Variants in RRP7A observed in about 807,000 individuals in gnomAD.
RRP7A encodes the protein ribosomal RNA processing 7 homolog A.
RRP7A carries 27 observed loss-of-function variants against 38.4 expected under a neutral mutation model. The ratio of observed to expected loss-of-function variants is 0.70; its 90% confidence interval spans 0.52 to 0.97. The LOEUF (loss-of-function observed/expected upper bound fraction) is 0.97. Ranked by LOEUF, RRP7A falls within the 50% of genes least tolerant of loss-of-function variation. RRP7A has a pLI of 0.00. For missense variants in RRP7A, 327 were observed against 375.4 expected (o/e 0.87, Z 1.07); for synonymous variants, 124 against 150.3 (o/e 0.83, Z 1.28).
At chr22:42,517,366 A>AT in intron 2 of RRP7A, among the ~76,000 whole-genome samples, 1 of 146,058 alleles carries the variant, frequency 6.8e-6, no homozygotes, top group South Asian at 2.1e-4. Context: ...AAAAAAAAAA[A>AT]TTAACAGTTG....
At position 42,509,896 on chromosome 22, in the gene RRP7A, G is replaced by A. The variant is rs1302751563; in HGVS notation, c.*3014C>T. ...GCTCAGAGGTTTGCGATTTCTTTGG[G>A]GGTGATGAAAATGTAATTGTGACGA... On this transcript the variant is annotated 3_prime_UTR_variant, in exon 7 of 7. Coordinates refer to ENST00000323013, the MANE Select transcript of RRP7A (RefSeq NM_015703.5). 2 of 139,630 alleles carry A rather than the reference G, an allele frequency of 1.4e-5. No individual in the cohort carries two copies. The highest frequency in any genetic ancestry group is 5.7e-5 in the African/African-American group (2 of 35,328). 8.6% of individuals were successfully genotyped at this position (139,630 alleles called of 1,614,324 possible).
intron 2 of RRP7A, among the ~76,000 whole-genome samples, chr22:42,517,197 G>C (rs777805207): frequency 6.6e-6 from 1 of 152,078 alleles, no homozygotes; most frequent in South Asian, 2.1e-4. Flanking sequence ...AGAATCACTT[G>C]AACCCGGGAA....
In RRP7A at chr22:42,517,996, C is replaced by G; in HGVS notation, c.216+9G>C. The G allele has an allele frequency of 6.2e-7, 1 of 1,611,428 alleles. No homozygotes were observed. Among genetic ancestry groups the G allele is most frequent in the South Asian group, 1.1e-5 (1 of 90,636 alleles). On this transcript the variant is annotated intron_variant, in intron 2 of 6. Coordinates refer to ENST00000323013, the MANE Select transcript of RRP7A (RefSeq NM_015703.5). ...CCACAGGTCTCCTCCCAGACAGACA[C>G]TAGCTCACCTCTGTGCAGTATGGGG...
chr22:42,515,351 G>T, intron 3 of RRP7A, 83 bp from the exon 4 acceptor site: 1 of 735,130 alleles, frequency 1.4e-6, no homozygotes, highest in Non-Finnish European at 2.4e-6. Context: ...AGCCTAGGTG[G>T]TAGCTACACC....
intron 2 of RRP7A, among the ~76,000 whole-genome samples, chr22:42,517,342 T>TAAA (rs71184902): frequency 3.2e-3 from 375 of 117,490 alleles, no homozygotes; most frequent in Non-Finnish European, 4.5e-3. Flanking sequence ...TTAGTTTTTG[T>TAAA]AAAAAAAAAA....
At position 42,512,101 on chromosome 22, in the gene RRP7A, C is replaced by G; in HGVS notation, c.*809G>C. Reference sequence around the variant, plus strand: ...TCCTCTGGCCACATCTCACTACCCACCCCCTCCCCTCTCCAGCGGTTCCAG... The same window carrying G: ...TCCTCTGGCCACATCTCACTACCCAGCCCCTCCCCTCTCCAGCGGTTCCAG... On this transcript the variant is annotated 3_prime_UTR_variant, in exon 7 of 7. Transcript: ENST00000323013. 7.1e-7 allele frequency: 1 copy of G among 1,401,382 alleles called. No homozygotes were observed. Among genetic ancestry groups the G allele is most frequent in the Non-Finnish European group, 1.0e-6 (1 of 985,748 alleles). The allele number at this position is 1,401,382 out of a possible 1,614,324, so 86.8% of individuals were successfully genotyped here. A position where few individuals can be genotyped will look rare whatever the true frequency, so the allele number is the denominator to read the frequency against.
rs1357584309 is a variant in RRP7A at position 42,509,323 on chromosome 22, G to A, written c.*3587C>T. 4.7e-5 allele frequency among the ~76,000 whole-genome samples: 7 copies of A among 150,060 alleles called. No homozygotes were observed. Among genetic ancestry groups the A allele is most frequent in the Non-Finnish European group, 4.5e-5 (3 of 67,086 alleles). On this transcript the variant is annotated 3_prime_UTR_variant, in exon 7 of 7. Transcript: ENST00000323013. ...GGGCTCAGGCAGCAGGGGATGGGCC[G>A]GGGCTGTCCCATGCCTTTCCACAGG... is the stretch of plus-strand genomic sequence containing the variant.
Position 42,510,648 on chromosome 22 carries a change from T to G in RRP7A, c.*2262A>C, listed in dbSNP as rs1932428430. 9 of 1,352,636 alleles carry G rather than the reference T, an allele frequency of 6.7e-6. No individual in the cohort carries two copies. The highest frequency in any genetic ancestry group is 9.3e-6 in the Non-Finnish European group (9 of 972,504). 83.8% of individuals were successfully genotyped at this position (1,352,636 alleles called of 1,614,324 possible). A position where few individuals can be genotyped will look rare whatever the true frequency, so the allele number is the denominator to read the frequency against. The stretch of plus-strand genomic sequence containing the variant: ...CTTTCCAGAGCAGTCCACGGATATT[T>G]TGATCCAAGAGAGAATTACTCTGAC... On this transcript the variant is annotated 3_prime_UTR_variant, in exon 7 of 7. Transcript: ENST00000323013.
chr22:42,515,928 G>T, intron 3 of RRP7A, 83 bp downstream of exon 3: 1 of 1,475,682 alleles, frequency 6.8e-7, no homozygotes, highest in Non-Finnish European at 9.1e-7. Flanking sequence ...ATGCTCTGAT[G>T]TCCCACTGCC....
At chr22:42,513,088 G>C in intron 6 of RRP7A, 93 bp from the exon 7 acceptor site, 2 of 1,051,194 alleles carry the variant, frequency 1.9e-6, no homozygotes, top group Non-Finnish European at 2.9e-6. Flanking sequence ...AGTTACTGTG[G>C]GGGTGGGGCT....
rs1932366938 is a variant in RRP7A, at chr22:42,509,214, G to A, written c.*3696C>T. ...TGAGGCTCCAAGTTCTCTGCGTGTC[G>A]ACCACATCGCTAAGACTCAAGATCT... On this transcript the variant is annotated 3_prime_UTR_variant, in exon 7 of 7. Coordinates refer to ENST00000323013, the MANE Select transcript of RRP7A (RefSeq NM_015703.5). 14 of 1,560,704 alleles carry A rather than the reference G, an allele frequency of 9.0e-6. No homozygotes were observed. The highest frequency in any genetic ancestry group is 1.2e-5 in the South Asian group (1 of 86,504).
At position 42,508,891 on chromosome 22, in the gene RRP7A, G is replaced by A. The variant is rs1353201549; in HGVS notation, c.*4019C>T. On this transcript the variant is annotated 3_prime_UTR_variant, in exon 7 of 7. Transcript: ENST00000323013. ...GAGCCTTCGATGAGGCAGTGATGTGGGGTCCTGGGCTCAGACCCAGGGTGG... is the reference window on the plus strand; with the variant it reads ...GAGCCTTCGATGAGGCAGTGATGTGAGGTCCTGGGCTCAGACCCAGGGTGG... 1 of 1,092,054 alleles carries A rather than the reference G, an allele frequency of 9.2e-7. No homozygotes were observed. Among genetic ancestry groups the A allele is most frequent in the South Asian group, 1.4e-5 (1 of 71,478 alleles). The allele number at this position is 1,092,054 out of a possible 1,614,324, so 67.6% of individuals were successfully genotyped here.
At chr22:42,519,466 G>A (rs13056604) in intron 1 of RRP7A, among the ~76,000 whole-genome samples, 3 of 152,168 alleles carry the variant, frequency 2.0e-5, no homozygotes, top group Non-Finnish European at 4.4e-5. Flanking sequence ...AGTGTGGACA[G>A]AGGCGGGCTC....
Position 42,510,770 on chromosome 22 carries a change from T to G in RRP7A, c.*2140A>C. On this transcript the variant is annotated 3_prime_UTR_variant, in exon 7 of 7. Coordinates refer to ENST00000323013, the MANE Select transcript of RRP7A (RefSeq NM_015703.5). ...CTGGTGTCCAGCCACTGTCGCCCAC[T>G]CTGGTCCCACCTCACCCATCTCTTC... 6 of 1,447,542 alleles carry G rather than the reference T, an allele frequency of 4.1e-6. No homozygotes were observed. The highest frequency in any genetic ancestry group is 4.6e-6 in the Non-Finnish European group (5 of 1,087,230). The allele number at this position is 1,447,542 out of a possible 1,614,324, so 89.7% of individuals were successfully genotyped here.
Position 42,518,007 on chromosome 22 carries a change from C to T in RRP7A, c.214G>A (p.Glu72Lys), listed in dbSNP as rs770686875. The T allele has an allele frequency of 5.6e-6, 9 of 1,612,530 alleles. No individual in the cohort carries two copies. The East Asian group carries it at 1.8e-4, about 32-fold the overall frequency. The change falls in exon 2 of 7, where the codon GAG becomes AAG. Residue 72 changes from glutamate to lysine, a missense_variant and splice_region_variant. Physicochemically the swap from Glu to Lys is moderately conservative, Grantham distance 56. Coordinates refer to ENST00000323013, the MANE Select transcript of RRP7A (RefSeq NM_015703.5). ...FVLNVPPYCT[E>K]ESLSRLLSTC... ...CTCCCAGACAGACACTAGCTCACCT[C>T]TGTGCAGTATGGGGGCACATTGAGG... is the stretch of plus-strand genomic sequence containing the variant.
rs766445792 is a variant in RRP7A, at chr22:42,514,235, C to T, written c.628G>A (p.Gly210Ser). 376 of 1,603,608 alleles carry T rather than the reference C, an allele frequency of 2.3e-4. No homozygotes were observed. Among genetic ancestry groups the T allele is most frequent in the Non-Finnish European group, 2.8e-4 (325 of 1,174,288 alleles). Residue 210 changes from glycine to serine, a missense_variant, in exon 6 of 7, where the codon GGC (glycine) becomes AGC (serine). Coordinates refer to ENST00000323013, the MANE Select transcript of RRP7A (RefSeq NM_015703.5). ...GTCCGGGGGAGCACAGGCCGCCGGC[C>T]CCGGCGGGTCACCTTCACCCAGCCC... ...EEGWVKVTRR[G>S]RRPVLPRTEA...
In RRP7A at chr22:42,510,863, C is replaced by G; in HGVS notation, c.*2047G>C. The G allele has an allele frequency of 9.6e-7, 1 of 1,039,248 alleles. No homozygotes were observed. Among genetic ancestry groups the G allele is most frequent in the South Asian group, 2.9e-5 (1 of 34,430 alleles). 64.4% of individuals were successfully genotyped at this position (1,039,248 alleles called of 1,614,324 possible). A position where few individuals can be genotyped will look rare whatever the true frequency, so the allele number is the denominator to read the frequency against. ...AAGTGACCACCAGGATCTATCAGGC[C>G]TCATGCTCCAGTGATCAGTCCCTAG... is the stretch of plus-strand genomic sequence containing the variant. On this transcript the variant is annotated 3_prime_UTR_variant, in exon 7 of 7. Transcript: ENST00000323013.
intron 6 of RRP7A, among the ~76,000 whole-genome samples, chr22:42,513,694 CAG>C (rs1407945721): frequency 5.1e-5 from 5 of 98,024 alleles, no homozygotes; most frequent in East Asian, 1.4e-3. Flanking sequence ...GGCCACCTGA[CAG>C]ACACACACAC....
Position 42,514,307 on chromosome 22 carries a change from G to A in RRP7A, c.559-3C>T. The A allele has an allele frequency of 1.9e-6, 3 of 1,556,954 alleles. No homozygotes were observed. Among genetic ancestry groups the A allele is most frequent in the Non-Finnish European group, 2.6e-6 (3 of 1,141,130 alleles). ...TCCTCCTTGGCCTTAGCTTCTTCCT[G>A]CAAGGAAGGTGATCCCATCCTCCGG... On this transcript the variant is annotated splice_polypyrimidine_tract_variant and splice_region_variant and intron_variant, in intron 5 of 6. Coordinates refer to ENST00000323013, the MANE Select transcript of RRP7A (RefSeq NM_015703.5).
Sources: gnomAD v4.1 joint callset for allele counts (sites outside exome capture counted in the v4.1 genomes callset) on GRCh38, gnomAD v4.1.1 for gene constraint, MANE v1.5 for transcripts, NCBI Gene and HGNC (gene_info 2026-07-23, HGNC 2026-07-21) for gene names.